Variants in XPNPEP3 observed in about 807,000 individuals in gnomAD.
The protein encoded by XPNPEP3 is X-prolyl aminopeptidase 3, also known as xaa-Pro aminopeptidase 3.
A neutral mutation model predicts 60.0 loss-of-function variants in XPNPEP3; 41 were observed. The observed-to-expected ratio is 0.68, with a 90% CI of 0.53 to 0.89. XPNPEP3 has a LOEUF of 0.89. Among genes scored for constraint, XPNPEP3 ranks in the 40% least tolerant of loss-of-function variants. The pLI, the probability that XPNPEP3 is intolerant of heterozygous loss-of-function variation, is 0.00. For synonymous variants in XPNPEP3, 212 were observed against 223.2 expected, an observed-to-expected ratio of 0.95 and a Z score of 0.45; for missense variants, 598 against 638.9, an observed-to-expected ratio of 0.94 and a Z score of 0.69.
intron 1 of XPNPEP3, among the ~76,000 whole-genome samples, chr22:40,865,771 T>C (rs2057975726): frequency 6.7e-6 from 1 of 149,952 alleles, no homozygotes; most frequent in Non-Finnish European, 1.5e-5. Flanking sequence ...CCTCAAGTGA[T>C]CTGTCTGCCT....
chr22:40,887,329 T>C (rs1421273855), intron 4 of XPNPEP3, among the ~76,000 whole-genome samples: 2 of 152,204 alleles, frequency 1.3e-5, no homozygotes, highest in Non-Finnish European at 2.9e-5. Context: ...AGGATGTATC[T>C]TTCTCTTACA....
intron 3 of XPNPEP3, among the ~76,000 whole-genome samples, 200 bp downstream of exon 3, chr22:40,882,377 C>T (rs981011936): frequency 3.9e-5 from 6 of 152,200 alleles, no homozygotes; most frequent in Non-Finnish European, 8.8e-5. Context: ...TGGCTCACGC[C>T]CGTAATCCCA....
chr22:40,882,723 G>A (rs931540230), intron 3 of XPNPEP3, among the ~76,000 whole-genome samples: 2 of 151,904 alleles, frequency 1.3e-5, no homozygotes, highest in Non-Finnish European at 2.9e-5. Flanking sequence ...CAGCCTAGGC[G>A]ACAGAGCAAG....
chr22:40,898,025 A>T (rs2058115852), intron 4 of XPNPEP3, among the ~76,000 whole-genome samples: 1 of 151,818 alleles, frequency 6.6e-6, no homozygotes. Context: ...TTCTCCCATT[A>T]TGAGGGTTGG....
rs758408076 is a variant in XPNPEP3 at position 40,886,308 on chromosome 22, C to G, written c.590-5C>G. 37 of 1,613,742 alleles carry G rather than the reference C, an allele frequency of 2.3e-5. No homozygotes were observed. Among genetic ancestry groups the G allele is most frequent in the Admixed American group, 3.3e-5 (2 of 59,986 alleles). ...TAAATTTATTTTTCGGCTTCTCATT[C>G]TAAGCTGAGACGAACATGGTTTGGT... On this transcript the variant is annotated splice_region_variant and splice_polypyrimidine_tract_variant and intron_variant, in intron 3 of 9. Transcript: ENST00000357137.
At chr22:40,879,268 T>C (rs2058038585) in intron 2 of XPNPEP3, among the ~76,000 whole-genome samples, 1 of 152,226 alleles carries the variant, frequency 6.6e-6, no homozygotes. Flanking sequence ...CACTTATCAC[T>C]CTCTCTTATT....
At chr22:40,883,442 C>T (rs1159987660) in intron 3 of XPNPEP3, among the ~76,000 whole-genome samples, 1 of 152,064 alleles carries the variant, frequency 6.6e-6, no homozygotes, top group Non-Finnish European at 1.5e-5. Flanking sequence ...TCACTGCAAC[C>T]TCGAACCCCA....
At chr22:40,858,715 A>G (rs1203357975) in intron 1 of XPNPEP3, among the ~76,000 whole-genome samples, 3 of 151,946 alleles carry the variant, frequency 2.0e-5, no homozygotes, top group Non-Finnish European at 4.4e-5. Flanking sequence ...TGTTTTTAGT[A>G]GAGATGGGGT....
chr22:40,900,332 C>T (rs968562798), intron 4 of XPNPEP3, among the ~76,000 whole-genome samples: 13 of 149,822 alleles, frequency 8.7e-5, no homozygotes, highest in Non-Finnish European at 1.9e-4. Flanking sequence ...AGGCCGGGTA[C>T]GGTGACCCAC....
At chr22:40,881,591 A>G (rs2058048310) in intron 2 of XPNPEP3, among the ~76,000 whole-genome samples, 179 bp from the exon 3 acceptor site, 1 of 152,118 alleles carries the variant, frequency 6.6e-6, no homozygotes, top group Non-Finnish European at 1.5e-5. Flanking sequence ...ATTTCTTCCA[A>G]ATTTTTGCAG....
intron 5 of XPNPEP3, among the ~76,000 whole-genome samples, 160 bp downstream of exon 5, chr22:40,907,809 A>G (rs1287529279): frequency 6.6e-6 from 1 of 152,232 alleles, no homozygotes; most frequent in East Asian, 1.9e-4. Flanking sequence ...TAAGTCTAAA[A>G]TATACTACGT....
chr22:40,886,109 G>C (rs914438304), intron 3 of XPNPEP3, among the ~76,000 whole-genome samples: 4 of 152,106 alleles, frequency 2.6e-5, no homozygotes, highest in African/African-American at 9.7e-5. Flanking sequence ...AGAATATCTT[G>C]CCATTTCCAG....
At chr22:40,899,247 T>C (rs1257196498) in intron 4 of XPNPEP3, among the ~76,000 whole-genome samples, 4 of 152,114 alleles carry the variant, frequency 2.6e-5, no homozygotes, top group Non-Finnish European at 5.9e-5. Flanking sequence ...CCCAGTTTCT[T>C]TGGGTTAGAG....
At chr22:40,861,773 G>A (rs571921787) in intron 1 of XPNPEP3, 70 of 1,613,364 alleles carry the variant, frequency 4.3e-5, no homozygotes, top group Non-Finnish European at 5.1e-5. Flanking sequence ...TTCCACCTCC[G>A]TTTAATCCTT....
intron 1 of XPNPEP3, among the ~76,000 whole-genome samples, chr22:40,858,284 TG>T (rs2057916235): frequency 6.6e-6 from 1 of 151,370 alleles, no homozygotes; most frequent in Non-Finnish European, 1.5e-5. Flanking sequence ...TTTTTGTAAT[TG>T]TAGTAGAAAC....
chr22:40,867,508 A>T (rs991090550), intron 1 of XPNPEP3, among the ~76,000 whole-genome samples: 19 of 152,044 alleles, frequency 1.2e-4, no homozygotes, highest in Non-Finnish European at 2.2e-4. Flanking sequence ...AAAAAGATTT[A>T]AAAAAAAGAA....
chr22:40,882,374 C>T (rs1033557666), intron 3 of XPNPEP3, among the ~76,000 whole-genome samples, 197 bp downstream of exon 3: 2 of 152,192 alleles, frequency 1.3e-5, no homozygotes, highest in East Asian at 1.9e-4. Flanking sequence ...CATTGGCTCA[C>T]GCCCGTAATC....
intron 4 of XPNPEP3, among the ~76,000 whole-genome samples, chr22:40,899,180 C>T (rs2058121466): frequency 6.6e-6 from 1 of 152,090 alleles, no homozygotes; most frequent in African/African-American, 2.4e-5. Flanking sequence ...CAACTTGCCA[C>T]TCGAATTATT....
chr22:40,876,166 A>T (rs1010798788), intron 2 of XPNPEP3, among the ~76,000 whole-genome samples: 1 of 152,242 alleles, frequency 6.6e-6, no homozygotes, highest in African/African-American at 2.4e-5. Flanking sequence ...AATGAATAAT[A>T]ATGAAAAGTT....
Sources: gnomAD v4.1 joint callset for allele counts (sites outside exome capture counted in the v4.1 genomes callset) on GRCh38, gnomAD v4.1.1 for gene constraint, MANE v1.5 for transcripts, NCBI Gene and HGNC (gene_info 2026-07-23, HGNC 2026-07-21) for gene names.